The following SNX5 variants were observed in gnomAD, a reference collection of about 807,000 sequenced individuals.
SNX5 encodes sorting nexin 5, also known as sorting nexin-5.
SNX5 carries 31 observed loss-of-function variants against 53.9 expected under a neutral mutation model. The observed-to-expected ratio is 0.58, with a 90% CI of 0.43 to 0.78. SNX5 has a LOEUF of 0.78. SNX5 is among the 30% of genes least tolerant of loss of function. The probability of loss-of-function intolerance (pLI) is 0.00; values close to 1 mark genes in which losing one functional copy is unlikely to be tolerated. For synonymous variants in SNX5, 168 were observed against 171.1 expected (o/e 0.98, Z 0.14); for missense variants, 471 against 478.8 (o/e 0.98, Z 0.15).
At chr20:17,967,066 C>T (rs765028103) in intron 1 of SNX5, among the ~76,000 whole-genome samples, 14 of 152,170 alleles carry the variant, frequency 9.2e-5, no homozygotes, top group Non-Finnish European at 2.1e-4. Context: ...CATAACCATT[C>T]TCCAATTTTG....
Position 17,968,397 on chromosome 20 carries a change from T to C in SNX5, c.29A>G (p.Gln10Arg). The change falls in exon 1 of 13, where the codon CAG becomes CGG. Residue 10 changes from glutamine to arginine, a missense_variant. Coordinates refer to ENST00000377759, the MANE Select transcript of SNX5 (RefSeq NM_014426.4). The stretch of plus-strand genomic sequence containing the variant: ...CACCTTGCTGCGGTCCTCCTCCTGC[T>C]GCTGCAGCAACTCGGGAACCGCGGC... MAAVPELLQ[Q>R]QEEDRSKLRS... 1.6e-6 allele frequency: 2 copies of C among 1,287,238 alleles called. No homozygotes were observed. Among genetic ancestry groups the C allele is most frequent in the Non-Finnish European group, 2.0e-6 (2 of 1,013,974 alleles). 79.7% of individuals were successfully genotyped at this position (1,287,238 alleles called of 1,614,324 possible).
At chr20:17,957,545 T>TA (rs1208541449) in intron 1 of SNX5, among the ~76,000 whole-genome samples, 8 of 152,332 alleles carry the variant, frequency 5.3e-5, no homozygotes, top group African/African-American at 1.4e-4. Flanking sequence ...TGCATTGGTA[T>TA]ATCCGAAGTA....
intron 10 of SNX5, among the ~76,000 whole-genome samples, chr20:17,948,333 G>A (rs979165358): frequency 6.6e-6 from 1 of 152,222 alleles, no homozygotes; most frequent in African/African-American, 2.4e-5. Flanking sequence ...CAGAAAACAT[G>A]CCAAAGGGCA....
intron 10 of SNX5, among the ~76,000 whole-genome samples, chr20:17,947,868 A>G (rs1219500307): frequency 6.7e-6 from 1 of 149,514 alleles, no homozygotes; most frequent in African/African-American, 2.4e-5. Context: ...GTGATTACTC[A>G]AGAGTGAAAA....
chr20:17,963,276 T>C (rs1367930223), intron 1 of SNX5, among the ~76,000 whole-genome samples: 1 of 151,968 alleles, frequency 6.6e-6, no homozygotes, highest in Non-Finnish European at 1.5e-5. Context: ...GGCCAGGAGT[T>C]TGAGACAAGC....
chr20:17,949,761 C>T (rs150760502), intron 8 of SNX5, among the ~76,000 whole-genome samples: 178 of 151,966 alleles, frequency 1.2e-3, no homozygotes, highest in African/African-American at 3.9e-3. Flanking sequence ...GAGGCTGCAT[C>T]ACAGGCCAAA....
chr20:17,951,939 C>T (rs934912178), intron 5 of SNX5, among the ~76,000 whole-genome samples: 3 of 152,148 alleles, frequency 2.0e-5, no homozygotes, highest in Non-Finnish European at 2.9e-5. Context: ...AGTCATAATT[C>T]GCGGCCGGGC....
Position 17,950,159 on chromosome 20 carries a change from G to C in SNX5, c.764C>G (p.Ala255Gly). Residue 255 changes from alanine (A) to glycine (G), a missense_variant, in exon 8 of 13, where the codon GCT (alanine) becomes GGT (glycine). Physicochemically the swap from Ala to Gly is moderately conservative, Grantham distance 60. Coordinates refer to ENST00000377759, the MANE Select transcript of SNX5 (RefSeq NM_014426.4). ...TTTGATGACTGTGGGCTCTTCTAAA[G>C]CCAGGCTATGTAAGCAGGCTGCGGT... ...IHTAACLHSL[A>G]LEEPTVIKKY... is the part of the protein sequence containing the mutation. 6.2e-7 allele frequency: 1 copy of C among 1,614,146 alleles called. No homozygotes were observed. Among genetic ancestry groups the C allele is most frequent in the Non-Finnish European group, 8.5e-7 (1 of 1,180,004 alleles).
At chr20:17,952,742 GAC>G (rs1293297640) in intron 4 of SNX5, 32 bp from the exon 5 acceptor site, 1 of 1,608,284 alleles carries the variant, frequency 6.2e-7, no homozygotes, top group Non-Finnish European at 8.5e-7. Flanking sequence ...GCATTCAGTT[GAC>G]ACAGCTCAAC....
intron 6 of SNX5, chr20:17,951,092 T>C (rs1638337617): frequency 6.1e-6 from 1 of 163,206 alleles, no homozygotes; most frequent in Non-Finnish European, 1.3e-5. Context: ...AGTATGTAAA[T>C]AAAATCTAAA....
intron 2 of SNX5, among the ~76,000 whole-genome samples, chr20:17,956,523 G>A (rs1423464088): frequency 2.0e-5 from 3 of 152,100 alleles, no homozygotes; most frequent in African/African-American, 4.8e-5. Context: ...GAGGTCAGGA[G>A]TTTGAGCCGA....
chr20:17,959,374 A>G (rs1376659158), intron 1 of SNX5, among the ~76,000 whole-genome samples: 2 of 152,326 alleles, frequency 1.3e-5, no homozygotes, highest in East Asian at 1.9e-4. Flanking sequence ...GTATAGAAAC[A>G]TATTTTTTGT....
chr20:17,963,724 T>C (rs1000271693), intron 1 of SNX5, among the ~76,000 whole-genome samples: 1 of 152,194 alleles, frequency 6.6e-6, no homozygotes, highest in Non-Finnish European at 1.5e-5. Context: ...TCCTTCATGG[T>C]CTCACTTCAT....
intron 1 of SNX5, among the ~76,000 whole-genome samples, chr20:17,965,968 G>C (rs185612212): frequency 6.6e-6 from 1 of 151,092 alleles, no homozygotes; most frequent in Non-Finnish European, 1.5e-5. Context: ...CTAGCTAATG[G>C]AGAACAAAAA....
At position 17,968,770 on chromosome 20, in the gene SNX5, C is replaced by A. The variant is rs151018697; in HGVS notation, c.-345G>T. 3.6e-5 allele frequency: 12 copies of A among 333,752 alleles called. No homozygotes were observed. 20.7% of individuals were successfully genotyped at this position (333,752 alleles called of 1,614,324 possible). ...ACGGACGGGAAGCAACGGACACTCT[C>A]CCAGCAAGACGCGTCTAGAGAAAGA... On this transcript the variant is annotated 5_prime_UTR_variant, in exon 1 of 13. Coordinates refer to ENST00000377759, the MANE Select transcript of SNX5 (RefSeq NM_014426.4).
intron 1 of SNX5, chr20:17,967,828 C>T (rs1006728496): frequency 2.0e-4 from 78 of 381,830 alleles, no homozygotes; most frequent in African/African-American, 1.5e-3. Context: ...AGTATTTGAG[C>T]ACCTACTAAA....
At chr20:17,953,484 A>C (rs2122377192) in intron 4 of SNX5, among the ~76,000 whole-genome samples, 1 of 152,338 alleles carries the variant, frequency 6.6e-6, no homozygotes, top group Admixed American at 6.5e-5. Flanking sequence ...GCTACTCTAT[A>C]ACAGCACTAT....
chr20:17,963,792 GA>G (rs1186077656), intron 1 of SNX5, among the ~76,000 whole-genome samples: 5 of 152,210 alleles, frequency 3.3e-5, no homozygotes, highest in African/African-American at 1.2e-4. Flanking sequence ...CAAGAAAGAC[GA>G]TTCAGCAACA....
At chr20:17,944,026 C>A (rs2039452453) in intron 11 of SNX5, 1 of 152,182 alleles carries the variant, frequency 6.6e-6, no homozygotes, top group African/African-American at 2.4e-5. Context: ...TAACAAAATT[C>A]TCTCATATGG....
Sources: allele counts gnomAD v4.1 joint callset (sites outside exome capture counted in the v4.1 genomes callset), GRCh38; gene constraint gnomAD v4.1.1; transcripts MANE v1.5; gene names NCBI Gene and HGNC (gene_info 2026-07-23, HGNC 2026-07-21).